The following GALNT13 variants were observed in gnomAD, a reference collection of about 807,000 sequenced individuals.
GALNT13 encodes the protein polypeptide N-acetylgalactosaminyltransferase 13, also known as UDP-GalNAc:polypeptide N-acetylgalactosaminyltransferase 13.
In GALNT13, 28 loss-of-function variants were observed where a neutral mutation model predicts 64.2. That is an observed-to-expected ratio of 0.44 (90% CI 0.32 to 0.60). The LOEUF (loss-of-function observed/expected upper bound fraction) is 0.60, where lower values mean the gene tolerates loss of function less well. GALNT13 is among the 20% of genes least tolerant of loss of function. The pLI, the probability that GALNT13 is intolerant of heterozygous loss-of-function variation, is 0.05. For missense variants in GALNT13, 577 were observed against 669.8 expected, an observed-to-expected ratio of 0.86 and a Z score of 1.53; for synonymous variants, 214 against 224.6, an observed-to-expected ratio of 0.95 and a Z score of 0.42.
chr2:154,087,238 C>A (rs1701576525), intron 3 of GALNT13, among the ~76,000 whole-genome samples: 1 of 151,600 alleles, frequency 6.6e-6, no homozygotes, highest in Non-Finnish European at 1.5e-5. Context: ...TTTTCAGACT[C>A]TTCTGTAGAT....
At chr2:153,453,302 C>T in the GALNT13 span, among the ~76,000 whole-genome samples, 6 of 152,080 alleles carry the variant, frequency 3.9e-5, no homozygotes, top group African/African-American at 4.8e-5. Flanking sequence ...TTCTGCACAC[C>T]GAAAGAAACT....
At chr2:153,098,785 C>T in the GALNT13 span, among the ~76,000 whole-genome samples, 3 of 152,028 alleles carry the variant, frequency 2.0e-5, no homozygotes, top group Non-Finnish European at 1.5e-5. Flanking sequence ...TTTCCTGAGT[C>T]GAATTCCTAA....
chr2:153,998,222 G>A (rs1172133219), intron 3 of GALNT13, among the ~76,000 whole-genome samples: 1 of 152,114 alleles, frequency 6.6e-6, no homozygotes, highest in Non-Finnish European at 1.5e-5. Context: ...TCGCCACACT[G>A]TCTTCCACAA....
intron 3 of GALNT13, among the ~76,000 whole-genome samples, chr2:154,039,593 C>G (rs1437470755): frequency 7.2e-6 from 1 of 138,456 alleles, no homozygotes; most frequent in Admixed American, 7.3e-5. Flanking sequence ...AGTAGAATTA[C>G]AGTTGTTAGA....
the GALNT13 span, among the ~76,000 whole-genome samples, chr2:153,187,752 A>T: frequency 1.3e-4 from 20 of 152,230 alleles, no homozygotes; most frequent in Non-Finnish European, 2.5e-4. Context: ...TATCGGACAG[A>T]ATAGCTTGGT....
At chr2:153,151,281 A>G in the GALNT13 span, among the ~76,000 whole-genome samples, 1 of 152,116 alleles carries the variant, frequency 6.6e-6, no homozygotes, top group African/African-American at 2.4e-5. Flanking sequence ...CCACAATGAG[A>G]TACCATCTTA....
chr2:154,073,496 T>G (rs1432408253), intron 3 of GALNT13, among the ~76,000 whole-genome samples: 1 of 151,954 alleles, frequency 6.6e-6, no homozygotes, highest in Non-Finnish European at 1.5e-5. Context: ...AGTTTTCCAA[T>G]AAAGATTATT....
At chr2:154,122,700 G>T (rs1272160811) in intron 3 of GALNT13, among the ~76,000 whole-genome samples, 1 of 151,818 alleles carries the variant, frequency 6.6e-6, no homozygotes, top group African/African-American at 2.4e-5. Context: ...TGTATTTCAA[G>T]AAGTTTTTTT....
the GALNT13 span, among the ~76,000 whole-genome samples, chr2:153,286,497 TAAGAAA>T: frequency 6.6e-6 from 1 of 152,148 alleles, no homozygotes; most frequent in African/African-American, 2.4e-5. Flanking sequence ...TAAGATTAGT[TAAGAAA>T]AGTTAGGAGG....
chr2:154,073,187 C>T (rs1355769085), intron 3 of GALNT13, among the ~76,000 whole-genome samples: 3 of 151,712 alleles, frequency 2.0e-5, no homozygotes, highest in South Asian at 2.1e-4. Flanking sequence ...TGGCTTCATC[C>T]TCATGTGTGA....
At chr2:153,470,254 A>G in the GALNT13 span, among the ~76,000 whole-genome samples, 6 of 152,002 alleles carry the variant, frequency 3.9e-5, no homozygotes, top group South Asian at 2.1e-4. Context: ...TCCTTCTCCT[A>G]TGAGGATGCA....
the GALNT13 span, among the ~76,000 whole-genome samples, chr2:153,249,031 G>A: frequency 6.6e-6 from 1 of 152,050 alleles, no homozygotes; most frequent in Non-Finnish European, 1.5e-5. Flanking sequence ...TCTAGCCAGG[G>A]CAATCAGACA....
At chr2:153,617,180 A>G in the GALNT13 span, among the ~76,000 whole-genome samples, 2 of 151,984 alleles carry the variant, frequency 1.3e-5, no homozygotes, top group African/African-American at 4.8e-5. Flanking sequence ...TTCTCCATTT[A>G]GTATGATACT....
chr2:153,346,206 A>T, the GALNT13 span, among the ~76,000 whole-genome samples: 1 of 152,160 alleles, frequency 6.6e-6, no homozygotes, highest in African/African-American at 2.4e-5. Flanking sequence ...TTACAGCATG[A>T]ATCATAATGC....
At chr2:154,001,462 G>A (rs905983422) in intron 3 of GALNT13, among the ~76,000 whole-genome samples, 22 of 151,684 alleles carry the variant, frequency 1.5e-4, no homozygotes, top group African/African-American at 5.1e-4. Flanking sequence ...TTATCATGAA[G>A]CTTACAAAAA....
chr2:153,747,436 T>G, the GALNT13 span, among the ~76,000 whole-genome samples: 2 of 143,950 alleles, frequency 1.4e-5, no homozygotes, highest in Non-Finnish European at 3.0e-5. Flanking sequence ...TTTTTTTTTT[T>G]TTTTTTTTTT....
chr2:153,206,405 T>A, the GALNT13 span, among the ~76,000 whole-genome samples: 1 of 152,228 alleles, frequency 6.6e-6, no homozygotes, highest in Non-Finnish European at 1.5e-5. Flanking sequence ...GCTGGATTTT[T>A]AAATTTTTTT....
chr2:154,164,050 T>C (rs1459912292), intron 4 of GALNT13, among the ~76,000 whole-genome samples: 1 of 152,190 alleles, frequency 6.6e-6, no homozygotes, highest in Non-Finnish European at 1.5e-5. Flanking sequence ...TGCCAAATAG[T>C]GCAAAGCTTT....
chr2:154,035,168 T>TAC (rs1248161209), intron 3 of GALNT13, among the ~76,000 whole-genome samples: 3 of 152,080 alleles, frequency 2.0e-5, no homozygotes, highest in Admixed American at 1.3e-4. Context: ...GAAGTATATA[T>TAC]ACACACACAC....
Sources: allele counts gnomAD v4.1 joint callset (sites outside exome capture counted in the v4.1 genomes callset), GRCh38; gene constraint gnomAD v4.1.1; transcripts MANE v1.5; gene names NCBI Gene and HGNC (gene_info 2026-07-23, HGNC 2026-07-21).